Variants in GSDME observed in about 807,000 individuals in gnomAD.
GSDME encodes the protein gasdermin E, also known as gasdermin-E.
In GSDME, 44 loss-of-function variants were observed where a neutral mutation model predicts 47.5. That is an observed-to-expected ratio of 0.93 (90% CI 0.73 to 1.19). The LOEUF (loss-of-function observed/expected upper bound fraction) is 1.19, where lower values mean the gene tolerates loss of function less well. GSDME is among the 50% of genes most tolerant of loss of function. GSDME has a pLI of 0.00. For missense variants in GSDME, 663 were observed against 604.2 expected (o/e 1.10, Z -1.02); for synonymous variants, 258 against 252.8 (o/e 1.02, Z -0.20).
rs907687345 is a variant in GSDME at position 24,717,123 on chromosome 7, G to A, written c.697+131C>T. 72 of 1,038,330 alleles carry A rather than the reference G, an allele frequency of 6.9e-5. No individual in the cohort carries two copies. In the East Asian group the frequency reaches 9.7e-4, roughly 14 times the overall value. The allele number at this position is 1,038,330 out of a possible 1,614,324, so 64.3% of individuals were successfully genotyped here. A position where few individuals can be genotyped will look rare whatever the true frequency, so the allele number is the denominator to read the frequency against. On this transcript the variant is annotated intron_variant, in intron 5 of 9. Transcript: ENST00000645220. Reference sequence around the variant, plus strand: ...GGGACCATGTCTTGGGACAATCTACGCTCTTCAGACCTCTTTCCCTCTCTT... The same window carrying A: ...GGGACCATGTCTTGGGACAATCTACACTCTTCAGACCTCTTTCCCTCTCTT...
At chr7:24,707,285 C>G (rs1042078835) in intron 7 of GSDME, 9 of 469,078 alleles carry the variant, frequency 1.9e-5, no homozygotes, top group Non-Finnish European at 3.5e-5. Context: ...AAACTGTAGT[C>G]AAAATCAGGT....
intron 3 of GSDME, among the ~76,000 whole-genome samples, chr7:24,729,122 GTAAT>G (rs1172235337): frequency 6.6e-6 from 1 of 152,182 alleles, no homozygotes; most frequent in African/African-American, 2.4e-5. Flanking sequence ...CTTTAGACGA[GTAAT>G]TAATTAACTG....
chr7:24,701,496 G>T (rs1007832219), intron 9 of GSDME, among the ~76,000 whole-genome samples: 2 of 152,178 alleles, frequency 1.3e-5, no homozygotes, highest in Non-Finnish European at 2.9e-5. Flanking sequence ...GATAACATGG[G>T]CTTGGCAGGA....
At chr7:24,786,679 T>TA in the GSDME span, among the ~76,000 whole-genome samples, 1 of 152,212 alleles carries the variant, frequency 6.6e-6, no homozygotes. The surrounding 1 kb of genome is among the most constrained non-coding windows in gnomAD (Gnocchi z 5.5). Flanking sequence ...AAATTTAGTC[T>TA]AAATGGGTAC....
chr7:24,776,141 T>C, the GSDME span, among the ~76,000 whole-genome samples: 8 of 143,082 alleles, frequency 5.6e-5, no homozygotes, highest in African/African-American at 1.8e-4. Context: ...GACCGGGCCA[T>C]TGCACTCTAG....
At chr7:24,722,918 G>A (rs531737801) in intron 3 of GSDME, among the ~76,000 whole-genome samples, 8 of 152,302 alleles carry the variant, frequency 5.3e-5, no homozygotes, top group South Asian at 4.1e-4. Context: ...CCACCACAGC[G>A]CAGGAACAGA....
chr7:24,748,140 T>C (rs1047354067), intron 2 of GSDME, among the ~76,000 whole-genome samples: 5 of 142,278 alleles, frequency 3.5e-5, no homozygotes, highest in Non-Finnish European at 6.0e-5. Flanking sequence ...AAAAATTATA[T>C]AGAGTATATA....
chr7:24,740,197 A>G (rs1562710064), intron 3 of GSDME, among the ~76,000 whole-genome samples: 1 of 152,166 alleles, frequency 6.6e-6, no homozygotes, highest in Admixed American at 6.5e-5. Flanking sequence ...TAAACTTCAC[A>G]TGTTCTTATT....
intron 6 of GSDME, among the ~76,000 whole-genome samples, chr7:24,709,567 C>T (rs1282147096): frequency 6.6e-6 from 1 of 152,098 alleles, no homozygotes; most frequent in Non-Finnish European, 1.5e-5. Context: ...CGGAGCGGTT[C>T]CTAGCTCTTT....
At chr7:24,713,008 A>G (rs543220105) in intron 5 of GSDME, among the ~76,000 whole-genome samples, 2 of 149,760 alleles carry the variant, frequency 1.3e-5, no homozygotes, top group Admixed American at 1.3e-4. Flanking sequence ...ACAAGAGTGA[A>G]ACTCAGTCTC....
intron 1 of GSDME, among the ~76,000 whole-genome samples, chr7:24,750,546 A>C (rs2128066245): frequency 6.6e-6 from 1 of 152,304 alleles, no homozygotes; most frequent in Middle Eastern, 3.4e-3. Context: ...CCAGGAGTTC[A>C]AAACTGCAGT....
chr7:24,750,785 A>G (rs555642595), intron 1 of GSDME, among the ~76,000 whole-genome samples: 43 of 152,356 alleles, frequency 2.8e-4, no homozygotes, highest in African/African-American at 9.9e-4. Flanking sequence ...TAACCCAGAA[A>G]ATAAAGGCAC....
At chr7:24,774,339 T>C in the GSDME span, among the ~76,000 whole-genome samples, 805 of 111,350 alleles carry the variant, frequency 7.2e-3, 14 homozygotes, top group African/African-American at 0.026. Flanking sequence ...CTCCCTCCCT[T>C]CCTCCCTCCC....
In GSDME at chr7:24,717,237, T is replaced by C. The variant is rs373208272; in HGVS notation, c.697+17A>G. 9.4e-5 allele frequency: 133 copies of C among 1,420,218 alleles called. No homozygotes were observed. In the Admixed American group the frequency reaches 1.0e-3, roughly 11 times the overall value. The allele number at this position is 1,420,218 out of a possible 1,614,324, so 88.0% of individuals were successfully genotyped here. On this transcript the variant is annotated intron_variant, in intron 5 of 9. Transcript: ENST00000645220. ...TCTGCTGGGGATCCCTCAGCACCCA[T>C]AGGAGGTGGCACTCACCGAACTGGC...
At chr7:24,791,574 G>A in the GSDME span, among the ~76,000 whole-genome samples, 1 of 152,174 alleles carries the variant, frequency 6.6e-6, no homozygotes. This position sits in a 1 kb window ranked among gnomAD's most constrained non-coding sequence, Gnocchi z 4.8. Flanking sequence ...CAGCCAGTAC[G>A]ACTGCAGCTC....
the GSDME span, among the ~76,000 whole-genome samples, chr7:24,779,903 C>T: frequency 6.6e-6 from 1 of 152,230 alleles, no homozygotes; most frequent in Non-Finnish European, 1.5e-5. The surrounding 1 kb of genome is among the most constrained non-coding windows in gnomAD (Gnocchi z 6.0). Flanking sequence ...CAGCACATTT[C>T]GCCCTCATCT....
In GSDME at chr7:24,754,718, G is replaced by A. The variant is rs1790962871; in HGVS notation, c.-20+2678C>T. On this transcript the variant is annotated intron_variant, in intron 1 of 9. Transcript: ENST00000645220. The surrounding 1 kb of genome is among the most constrained non-coding windows in gnomAD (Gnocchi z 5.0). The stretch of plus-strand genomic sequence containing the variant: ...CTGGGAACAAAGAATCTTAAAAATA[G>A]TTGCCAAGGTAATGACTGCAGGAGA... Among the ~76,000 whole-genome samples, 1 of 152,150 alleles carries A rather than the reference G, an allele frequency of 6.6e-6. No individual in the cohort carries two copies. Among genetic ancestry groups the A allele is most frequent in the African/African-American group, 2.4e-5 (1 of 41,432 alleles).
the GSDME span, among the ~76,000 whole-genome samples, chr7:24,790,523 G>A: frequency 6.6e-6 from 1 of 152,180 alleles, no homozygotes; most frequent in Non-Finnish European, 1.5e-5. The surrounding 1 kb of genome is among the most constrained non-coding windows in gnomAD (Gnocchi z 4.1). Context: ...CTGCCCACTG[G>A]TTGGGTAATT....
intron 3 of GSDME, among the ~76,000 whole-genome samples, chr7:24,738,576 A>T (rs548305288): frequency 6.6e-6 from 1 of 152,184 alleles, no homozygotes; most frequent in African/African-American, 2.4e-5. Flanking sequence ...TAGAGATTCA[A>T]TGCAATCCCT....
Sources: gnomAD v4.1 joint callset for allele counts (sites outside exome capture counted in the v4.1 genomes callset) on GRCh38, gnomAD v4.1.1 for gene constraint, Gnocchi (gnomAD v3.1) non-coding constraint, MANE v1.5 for transcripts, NCBI Gene and HGNC (gene_info 2026-07-23, HGNC 2026-07-21) for gene names.